The following ARHGAP26 variants were observed in gnomAD, a reference collection of about 807,000 sequenced individuals.
ARHGAP26 encodes rho GTPase-activating protein 26.
Under a neutral mutation model 104.8 loss-of-function variants are expected in ARHGAP26, and 38 were observed. The ratio of observed to expected loss-of-function variants is 0.36; its 90% confidence interval spans 0.28 to 0.48. The LOEUF (loss-of-function observed/expected upper bound fraction) is 0.48. Among genes scored for constraint, ARHGAP26 ranks in the 20% least tolerant of loss-of-function variants. ARHGAP26 has a pLI of 0.99. For synonymous variants in ARHGAP26, 341 were observed against 340.0 expected (o/e 1.00, Z -0.03); for missense variants, 704 against 947.9 (o/e 0.74, Z 3.38).
chr5:143,118,009 G>T (rs1479431340), intron 17 of ARHGAP26, among the ~76,000 whole-genome samples: 2 of 152,208 alleles, frequency 1.3e-5, no homozygotes, highest in Non-Finnish European at 2.9e-5. Context: ...TGGTAGGGAT[G>T]ACAACACTGT....
chr5:142,942,468 A>G (rs890596348), intron 11 of ARHGAP26, among the ~76,000 whole-genome samples: 6 of 152,250 alleles, frequency 3.9e-5, no homozygotes, highest in Non-Finnish European at 5.9e-5. Flanking sequence ...CTGTGTGCCT[A>G]TACAGTAATG....
intron 1 of ARHGAP26, among the ~76,000 whole-genome samples, chr5:142,787,076 C>G (rs1758823909): frequency 6.6e-6 from 1 of 152,156 alleles, no homozygotes; most frequent in African/African-American, 2.4e-5. Context: ...GCTCCCTTTC[C>G]TGTTATACTT....
Position 143,031,572 on chromosome 5 carries a change from CT to C in ARHGAP26, c.1145-5608del, listed in dbSNP as rs753414022. 6.6e-3 allele frequency among the ~76,000 whole-genome samples: 899 copies of C among 135,302 alleles called. 4 individuals carry two copies. The highest frequency in any genetic ancestry group is 0.036 in the Middle Eastern group (9 of 252). The allele number at this position is 135,302 out of a possible 152,430, so 88.8% of individuals were successfully genotyped here. ...TAATTTTCCGACCACCTACACACCTCTTTTTTTTTTTTTTTTAATAGCTGGG... is the reference window on the plus strand; with the variant it reads ...TAATTTTCCGACCACCTACACACCTCTTTTTTTTTTTTTTTAATAGCTGGG... On this transcript the variant is annotated intron_variant, in intron 12 of 22. Transcript: ENST00000645722.
intron 11 of ARHGAP26, among the ~76,000 whole-genome samples, chr5:142,959,111 AC>A (rs1468971945): frequency 6.6e-6 from 1 of 152,182 alleles, no homozygotes; most frequent in African/African-American, 2.4e-5. Flanking sequence ...TGTGAGTCAC[AC>A]AAGTGGCTGG....
intron 11 of ARHGAP26, among the ~76,000 whole-genome samples, chr5:142,958,370 G>A (rs1769596723): frequency 6.6e-6 from 1 of 152,188 alleles, no homozygotes; most frequent in African/African-American, 2.4e-5. Flanking sequence ...TTTAAGATTA[G>A]TATAAGCAGA....
intron 20 of ARHGAP26, among the ~76,000 whole-genome samples, chr5:143,179,409 G>A (rs1171914857): frequency 6.6e-6 from 1 of 152,230 alleles, no homozygotes; most frequent in Non-Finnish European, 1.5e-5. Flanking sequence ...TCTTGGACCA[G>A]CCTGGGATCT....
chr5:143,026,003 G>A (rs1780999715), intron 12 of ARHGAP26, among the ~76,000 whole-genome samples: 1 of 152,150 alleles, frequency 6.6e-6, no homozygotes, highest in Non-Finnish European at 1.5e-5. Context: ...TGGTAGGCTA[G>A]GGAAGAAAAG....
At position 143,169,246 on chromosome 5, in the gene ARHGAP26, A is replaced by G. The variant is rs578057448; in HGVS notation, c.1988+21865A>G. On this transcript the variant is annotated intron_variant, in intron 20 of 22. Coordinates refer to ENST00000645722, the MANE Select transcript of ARHGAP26 (RefSeq NM_001135608.3). The stretch of plus-strand genomic sequence containing the variant: ...CAAGACCCTGTATGTCAGCTTGAGC[A>G]GATTTACCCATCAGTGTTCTTGGTT... 2.6e-5 allele frequency among the ~76,000 whole-genome samples: 4 copies of G among 152,376 alleles called. No individual in the cohort carries two copies. The East Asian group carries it at 7.7e-4, about 29-fold the overall frequency.
At chr5:142,805,123 G>A (rs1341366991) in intron 1 of ARHGAP26, among the ~76,000 whole-genome samples, 3 of 136,264 alleles carry the variant, frequency 2.2e-5, no homozygotes, top group African/African-American at 5.5e-5. Context: ...TTTTTTTTGA[G>A]ATGGAGTTTC....
At chr5:142,806,368 T>TA (rs1762983234) in intron 1 of ARHGAP26, among the ~76,000 whole-genome samples, 1 of 152,250 alleles carries the variant, frequency 6.6e-6, no homozygotes, top group Non-Finnish European at 1.5e-5. Flanking sequence ...GTGCTGGGAT[T>TA]ACAGGCCTGA....
chr5:142,833,375 T>A (rs1426150305), intron 1 of ARHGAP26, among the ~76,000 whole-genome samples: 1 of 152,126 alleles, frequency 6.6e-6, no homozygotes, highest in East Asian at 1.9e-4. Context: ...TATTCCTTTT[T>A]TAAAAAATAT....
rs200276995 is a variant in ARHGAP26 at position 142,873,457 on chromosome 5, G to A, written c.212G>A (p.Cys71Tyr). The change falls in exon 2 of 23, where the codon TGC (cysteine) becomes TAC (tyrosine). Residue 71 changes from cysteine (C) to tyrosine (Y), a missense_variant. Cys to Tyr is a radical substitution (Grantham distance 194). Transcript: ENST00000645722. ...ADSLNEFKFQ[C>Y]IGDAETDDEM... is the part of the protein sequence containing the mutation. ...TCCTTAAATGAATTTAAATTTCAGTGCATAGGAGATGCAGAAACAGATGAT... is the reference window on the plus strand; with the variant it reads ...TCCTTAAATGAATTTAAATTTCAGTACATAGGAGATGCAGAAACAGATGAT... 1 of 1,600,638 alleles carries A rather than the reference G, an allele frequency of 6.2e-7. No homozygotes were observed. Among genetic ancestry groups the A allele is most frequent in the Non-Finnish European group, 8.5e-7 (1 of 1,176,510 alleles).
At chr5:142,947,140 G>A (rs561302440) in intron 11 of ARHGAP26, 1 of 150,202 alleles carries the variant, frequency 6.7e-6, no homozygotes, top group East Asian at 2.0e-4. Context: ...GAGATGGGGT[G>A]GAGGGAGAAA....
chr5:143,200,948 T>A (rs985897638), intron 20 of ARHGAP26, among the ~76,000 whole-genome samples: 1 of 152,212 alleles, frequency 6.6e-6, no homozygotes, highest in Non-Finnish European at 1.5e-5. Context: ...TTCAAGTGAG[T>A]CACCACAGAA....
At chr5:142,810,492 T>C (rs1330235431) in intron 1 of ARHGAP26, among the ~76,000 whole-genome samples, 1 of 152,182 alleles carries the variant, frequency 6.6e-6, no homozygotes, top group Non-Finnish European at 1.5e-5. Context: ...CTCCCCCATC[T>C]CTTTCTTTTT....
At chr5:143,119,457 T>C (rs573688967) in intron 17 of ARHGAP26, among the ~76,000 whole-genome samples, 1 of 152,322 alleles carries the variant, frequency 6.6e-6, no homozygotes, top group South Asian at 2.1e-4. Flanking sequence ...TACTTGCTGA[T>C]TGACTGAGGC....
At chr5:143,097,715 G>A (rs376619074) in intron 17 of ARHGAP26, among the ~76,000 whole-genome samples, 13 of 151,692 alleles carry the variant, frequency 8.6e-5, no homozygotes, top group African/African-American at 2.7e-4. Flanking sequence ...CCAGCTACTC[G>A]GGAGGCTGAG....
chr5:143,191,517 C>T (rs903599897), intron 20 of ARHGAP26, among the ~76,000 whole-genome samples: 1 of 152,024 alleles, frequency 6.6e-6, no homozygotes, highest in Non-Finnish European at 1.5e-5. Context: ...TTAAGTGGTG[C>T]TTGGGTGAAC....
At chr5:142,860,305 C>T (rs966897279) in intron 1 of ARHGAP26, 1 of 152,256 alleles carries the variant, frequency 6.6e-6, no homozygotes, top group African/African-American at 2.4e-5. Context: ...CTGCCTATAC[C>T]TTAGGCACTT....
Sources: gnomAD v4.1 joint callset for allele counts (sites outside exome capture counted in the v4.1 genomes callset) on GRCh38, gnomAD v4.1.1 for gene constraint, MANE v1.5 for transcripts, NCBI Gene and HGNC (gene_info 2026-07-23, HGNC 2026-07-21) for gene names.